Variants in PIBF1 observed in about 807,000 individuals in gnomAD.
PIBF1 encodes the protein progesterone immunomodulatory binding factor 1, also known as progesterone-induced-blocking factor 1.
PIBF1 carries 90 observed loss-of-function variants against 112.5 expected under a neutral mutation model. That is an observed-to-expected ratio of 0.80 (90% CI 0.67 to 0.95). PIBF1 has a LOEUF of 0.95. Ranked by LOEUF, PIBF1 falls within the 40% of genes least tolerant of loss-of-function variation. PIBF1 has a pLI of 0.00. For synonymous variants in PIBF1, 301 were observed against 288.6 expected, an observed-to-expected ratio of 1.04 and a Z score of -0.44; for missense variants, 915 against 852.3, an observed-to-expected ratio of 1.07 and a Z score of -0.92.
At chr13:72,903,724 C>T (rs186564172) in intron 11 of PIBF1, among the ~76,000 whole-genome samples, 20 of 152,228 alleles carry the variant, frequency 1.3e-4, no homozygotes, top group African/African-American at 4.8e-4. Flanking sequence ...GATTTGAAAA[C>T]TTTTCTCCTT....
chr13:72,841,849 T>C (rs970063299), intron 9 of PIBF1, among the ~76,000 whole-genome samples: 2 of 152,196 alleles, frequency 1.3e-5, no homozygotes, highest in African/African-American at 4.8e-5. Flanking sequence ...ATGCAAAAAG[T>C]ACATTATAAA....
At chr13:72,816,100 G>A (rs1247374539) in intron 5 of PIBF1, among the ~76,000 whole-genome samples, 2 of 152,142 alleles carry the variant, frequency 1.3e-5, no homozygotes, top group Non-Finnish European at 2.9e-5. Flanking sequence ...TTTTGCAATG[G>A]TGGGGTCTGC....
intron 14 of PIBF1, among the ~76,000 whole-genome samples, chr13:72,957,659 T>G (rs866671093): frequency 3.3e-5 from 5 of 151,916 alleles, no homozygotes; most frequent in African/African-American, 1.2e-4. Context: ...CAAAAACTCT[T>G]GAAATAAAAA....
chr13:72,980,194 C>A (rs2043121986), intron 16 of PIBF1, among the ~76,000 whole-genome samples: 1 of 151,994 alleles, frequency 6.6e-6, no homozygotes, highest in African/African-American at 2.4e-5. Context: ...TTGAAAGTCA[C>A]AACATAAAGA....
intron 11 of PIBF1, among the ~76,000 whole-genome samples, chr13:72,896,198 G>A (rs905781499): frequency 1.8e-4 from 28 of 152,046 alleles, no homozygotes; most frequent in African/African-American, 6.8e-4. Context: ...CCAGAAGAGC[G>A]ACAACAATCA....
chr13:72,892,725 T>G lies in PIBF1; in HGVS notation c.1323-1059T>G, dbSNP rs1039169361. ...GACTATGCTCTCTGCTTCACTGCCC[T>G]GCATATAACTCACATTTCTTCTCCC... On this transcript the variant is annotated intron_variant, in intron 10 of 17. Transcript: ENST00000326291. Among the ~76,000 whole-genome samples the G allele has an allele frequency of 5.3e-5, 8 of 151,750 alleles. No individual in the cohort carries two copies. In the East Asian group the frequency reaches 1.6e-3, roughly 29 times the overall value.
chr13:72,814,596 T>G (rs989564942), intron 5 of PIBF1, among the ~76,000 whole-genome samples: 1 of 151,820 alleles, frequency 6.6e-6, no homozygotes, highest in African/African-American at 2.4e-5. Flanking sequence ...ACTTGGCAAT[T>G]AGAAACGTAT....
intron 2 of PIBF1, among the ~76,000 whole-genome samples, chr13:72,790,421 T>TCTCA (rs148468398): frequency 2.4e-4 from 33 of 135,542 alleles, no homozygotes; most frequent in African/African-American, 8.4e-4. Flanking sequence ...GAGGAGTCCA[T>TCTCA]CACACACACA....
Position 72,783,669 on chromosome 13 carries a change from T to C in PIBF1, c.200T>C (p.Leu67Pro). The C allele has an allele frequency of 6.2e-7, 1 of 1,613,952 alleles. No homozygotes were observed. The change falls in exon 2 of 18, where the codon CTA becomes CCA. Residue 67 changes from leucine to proline, a missense_variant. Physicochemically the swap from Leu to Pro is moderately conservative, Grantham distance 98. Transcript: ENST00000326291. ...LHNIQLLKIE[L>P]SQKTMMIDNL... The stretch of plus-strand genomic sequence containing the variant: ...AATATTCAGTTACTAAAAATTGAGC[T>C]ATCCCAGAAAACTATGATGATCGAC...
At position 72,893,869 on chromosome 13, in the gene PIBF1, G is replaced by T; in HGVS notation, c.1408G>T (p.Val470Phe). The change falls in exon 11 of 18, where the codon GTT becomes TTT. Residue 470 changes from valine to phenylalanine, a missense_variant. By Grantham distance (50) the Val-to-Phe change is conservative. Transcript: ENST00000326291. Reference protein sequence around the residue: ...SKLKSFESERVQLLQEETARN... With the variant: ...SKLKSFESERFQLLQEETARN... The stretch of plus-strand genomic sequence containing the variant: ...ATTAAAATCTTTTGAAAGTGAGCGT[G>T]TTCAACTTCTGCAAGAGGAAACAGC... 6.2e-7 allele frequency: 1 copy of T among 1,606,716 alleles called. No homozygotes were observed. Among genetic ancestry groups the T allele is most frequent in the Non-Finnish European group, 8.5e-7 (1 of 1,176,070 alleles).
At chr13:72,898,682 C>CA (rs202190689) in intron 11 of PIBF1, among the ~76,000 whole-genome samples, 34,051 of 119,692 alleles carry the variant, frequency 0.28, 4,901 homozygotes, top group East Asian at 0.5. Context: ...ACTAAAAATG[C>CA]AAAAAAAAAA....
chr13:72,820,394 A>G (rs893674120), intron 5 of PIBF1, among the ~76,000 whole-genome samples: 3 of 152,140 alleles, frequency 2.0e-5, no homozygotes, highest in Admixed American at 2.0e-4. Context: ...GATATATGTG[A>G]TGATCTTTCG....
intron 12 of PIBF1, among the ~76,000 whole-genome samples, chr13:72,915,640 TGGAGAA>T (rs2041063348): frequency 6.6e-6 from 1 of 152,288 alleles, no homozygotes; most frequent in African/African-American, 2.4e-5. Flanking sequence ...AGAGCTTATT[TGGAGAA>T]CTCATCTTGG....
intron 13 of PIBF1, among the ~76,000 whole-genome samples, chr13:72,922,239 A>G (rs1337851875): frequency 2.0e-5 from 3 of 152,014 alleles, no homozygotes; most frequent in Non-Finnish European, 2.9e-5. Flanking sequence ...CAGCCTCCCA[A>G]AGTCCTGGAA....
intron 15 of PIBF1, among the ~76,000 whole-genome samples, chr13:72,968,082 G>A (rs920348693): frequency 6.6e-6 from 1 of 151,656 alleles, no homozygotes; most frequent in African/African-American, 2.4e-5. Context: ...TACTCGGGAG[G>A]CTGAGGCAGG....
At position 72,792,565 on chromosome 13, in the gene PIBF1, T is replaced by A. The variant is rs555270531; in HGVS notation, c.353+18T>A. 244 of 1,179,656 alleles carry A rather than the reference T, an allele frequency of 2.1e-4. No individual in the cohort carries two copies. The highest frequency in any genetic ancestry group is 1.2e-3 in the East Asian group (44 of 38,070). 73.1% of individuals were successfully genotyped at this position (1,179,656 alleles called of 1,614,324 possible). ...GATGCCAGGTAAGAAAAGTTTTTTT[T>A]AAAAAAAAAACAACATCTATTTAGC... On this transcript the variant is annotated intron_variant, in intron 3 of 17. Coordinates refer to ENST00000326291, the MANE Select transcript of PIBF1 (RefSeq NM_006346.4).
At chr13:72,834,812 A>G (rs552562648) in intron 8 of PIBF1, among the ~76,000 whole-genome samples, 23 of 152,296 alleles carry the variant, frequency 1.5e-4, no homozygotes, top group Admixed American at 3.9e-4. Flanking sequence ...GCTTGGAAGC[A>G]AAGGATTCAT....
chr13:72,782,389 C>A (rs1473409455), intron 1 of PIBF1, 40 bp downstream of exon 1: 4 of 152,322 alleles, frequency 2.6e-5, no homozygotes, highest in African/African-American at 9.6e-5. Flanking sequence ...CCGCGTGGGG[C>A]AAGGAATCCC....
intron 14 of PIBF1, 107 bp downstream of exon 14, chr13:72,931,374 A>C: frequency 2.6e-6 from 2 of 769,642 alleles, no homozygotes; most frequent in East Asian, 2.7e-5. Context: ...TTGCTAGTAC[A>C]AAATGATTTC....
Sources: gnomAD v4.1 joint callset for allele counts (sites outside exome capture counted in the v4.1 genomes callset) on GRCh38, gnomAD v4.1.1 for gene constraint, MANE v1.5 for transcripts, NCBI Gene and HGNC (gene_info 2026-07-23, HGNC 2026-07-21) for gene names.